Variants in GREB1L observed in about 807,000 individuals in gnomAD.
The protein encoded by GREB1L is GREB1 like retinoic acid receptor coactivator.
GREB1L carries 17 observed loss-of-function variants against 200.8 expected under a neutral mutation model. The ratio of observed to expected loss-of-function variants is 0.08; its 90% CI spans 0.06 to 0.13. The LOEUF (loss-of-function observed/expected upper bound fraction) is 0.13. Ranked by LOEUF, GREB1L falls within the 10% of genes least tolerant of loss-of-function variation. GREB1L has a pLI of 1.00. For missense variants in GREB1L, 1,657 were observed against 2,367.7 expected, an observed-to-expected ratio of 0.70 and a Z score of 6.23; for synonymous variants, 789 against 893.0, an observed-to-expected ratio of 0.88 and a Z score of 2.08.
At chr18:21,411,145 A>T (rs1158246131) in intron 7 of GREB1L, among the ~76,000 whole-genome samples, 7 of 152,122 alleles carry the variant, frequency 4.6e-5, no homozygotes, top group Admixed American at 4.6e-4. Flanking sequence ...AATACAAGAT[A>T]CTATATTCAG....
rs1252559834 is a variant in GREB1L, at chr18:21,520,806, A to T, written c.5591A>T (p.Lys1864Ile). 2 of 1,541,190 alleles carry T rather than the reference A, an allele frequency of 1.3e-6. No homozygotes were observed. The highest frequency in any genetic ancestry group is 1.8e-6 in the Non-Finnish European group (2 of 1,142,688). ...CDSFVGADLK[K>I]FKFLKGATLC... ...TCTTTTGTAGGTGCTGATCTTAAGA[A>T]ATTTAAATTTCTAAAAGGTAAGTCA... is the stretch of plus-strand genomic sequence containing the variant. The change falls in exon 32 of 33, where the codon AAA becomes ATA. Residue 1864 changes from lysine (K) to isoleucine (I), a missense_variant. This residue lies in a region of GREB1L where 190 missense variants were observed against 230.2 expected (regional missense o/e 0.83). Transcript: ENST00000424526.
chr18:21,318,246 A>G (rs1356807628), intron 1 of GREB1L, among the ~76,000 whole-genome samples: 3 of 152,196 alleles, frequency 2.0e-5, no homozygotes, highest in Non-Finnish European at 2.9e-5. Context: ...TATTCAACAA[A>G]TGTCTAGAGA....
intron 1 of GREB1L, among the ~76,000 whole-genome samples, chr18:21,267,758 A>G (rs2037995273): frequency 6.6e-6 from 1 of 151,844 alleles, no homozygotes; most frequent in South Asian, 2.1e-4. Context: ...CCCTTAAGAA[A>G]TAGTAGAAGT....
At chr18:21,475,826 G>A (rs1053538072) in intron 16 of GREB1L, among the ~76,000 whole-genome samples, 6 of 151,808 alleles carry the variant, frequency 4.0e-5, no homozygotes, top group Non-Finnish European at 5.9e-5. Context: ...AAAATTAGCT[G>A]GGCGTGGTGG....
intron 1 of GREB1L, among the ~76,000 whole-genome samples, chr18:21,267,784 T>C (rs1348048310): frequency 6.6e-6 from 1 of 151,048 alleles, no homozygotes; most frequent in Non-Finnish European, 1.5e-5. Flanking sequence ...AGAGTTGAGA[T>C]AAGCCAGTCC....
At chr18:21,324,038 G>T (rs1342388306) in intron 1 of GREB1L, among the ~76,000 whole-genome samples, 1 of 152,126 alleles carries the variant, frequency 6.6e-6, no homozygotes, top group African/African-American at 2.4e-5. Context: ...AGGATGGGAG[G>T]GGGATGAGGG....
chr18:21,312,334 A>G (rs1405738498), intron 1 of GREB1L, among the ~76,000 whole-genome samples: 1 of 152,104 alleles, frequency 6.6e-6, no homozygotes, highest in South Asian at 2.1e-4. Flanking sequence ...TCCTTTGGGT[A>G]TATTCCCAGT....
chr18:21,306,998 C>T (rs1217771275), intron 1 of GREB1L, among the ~76,000 whole-genome samples: 2 of 152,188 alleles, frequency 1.3e-5, no homozygotes, highest in East Asian at 3.8e-4. Flanking sequence ...TTCCATTATT[C>T]CATTGTGTTA....
Position 21,504,471 on chromosome 18 carries a change from G to A in GREB1L, c.4073-941G>A, listed in dbSNP as rs527571340. ...GGATTCCTTGAGCCCAGGAGTTCAA[G>A]GTTGCAGTGAGCTTACATTGCATCA... On this transcript the variant is annotated intron_variant, in intron 23 of 32. Coordinates refer to ENST00000424526, the MANE Select transcript of GREB1L (RefSeq NM_001142966.3). Among the ~76,000 whole-genome samples the A allele has an allele frequency of 1.2e-4, 18 of 152,342 alleles. No homozygotes were observed. The South Asian group carries it at 2.3e-3, about 19-fold the overall frequency.
chr18:21,292,500 C>T (rs529109903), intron 1 of GREB1L, among the ~76,000 whole-genome samples: 5 of 152,316 alleles, frequency 3.3e-5, no homozygotes, highest in East Asian at 3.9e-4. Flanking sequence ...ACCCCGTACT[C>T]GTTAGCTATC....
At chr18:21,335,698 C>G (rs551457825) in intron 1 of GREB1L, among the ~76,000 whole-genome samples, 35 of 146,504 alleles carry the variant, frequency 2.4e-4, no homozygotes, top group African/African-American at 8.4e-4. Flanking sequence ...GAGTCTTGCT[C>G]TGTTGCCCAG....
rs2037626587 is a variant in GREB1L at position 21,522,801 on chromosome 18, C to G, written c.5752C>G (p.Leu1918Val). The change falls in exon 33 of 33, where the codon CTT (leucine) becomes GTT (valine). Residue 1918 changes from leucine (L) to valine (V), a missense_variant. Leu to Val is a conservative substitution (Grantham distance 32). Around this residue, in one of 9 missense-constraint regions of GREB1L, gnomAD observed 190 missense variants for 230.2 expected, o/e 0.83. Coordinates refer to ENST00000424526, the MANE Select transcript of GREB1L (RefSeq NM_001142966.3). ...NSSDDKPLYF[L>V]TGRHV is the part of the protein sequence containing the mutation. ...CAGTGATGACAAGCCTCTCTACTTTCTTACTGGACGTCATGTATGAGCTTT... is the reference window on the plus strand; with the variant it reads ...CAGTGATGACAAGCCTCTCTACTTTGTTACTGGACGTCATGTATGAGCTTT... 6.4e-7 allele frequency: 1 copy of G among 1,551,198 alleles called. No homozygotes were observed. Among genetic ancestry groups the G allele is most frequent in the Non-Finnish European group, 8.7e-7 (1 of 1,146,788 alleles).
intron 17 of GREB1L, among the ~76,000 whole-genome samples, chr18:21,479,446 A>C (rs2035837572): frequency 6.6e-6 from 1 of 152,012 alleles, no homozygotes; most frequent in Non-Finnish European, 1.5e-5. Context: ...AGGGAGGCCG[A>C]GGTGGGTGGA....
chr18:21,252,408 C>T (rs1291776837), intron 1 of GREB1L, among the ~76,000 whole-genome samples: 3 of 150,586 alleles, frequency 2.0e-5, no homozygotes, highest in Non-Finnish European at 4.4e-5. Flanking sequence ...AAATACAAAA[C>T]TAGCCTGGTA....
chr18:21,258,280 T>A (rs556652263), intron 1 of GREB1L, among the ~76,000 whole-genome samples: 1 of 152,258 alleles, frequency 6.6e-6, no homozygotes, highest in East Asian at 1.9e-4. Context: ...AGGCTCAATT[T>A]TGGTTGGCAA....
In GREB1L at chr18:21,524,622, A is replaced by G. The variant is rs1371366633; in HGVS notation, c.*1801A>G. The G allele has an allele frequency of 6.6e-6, 1 of 152,168 alleles. No homozygotes were observed. The highest frequency in any genetic ancestry group is 1.5e-5 in the Non-Finnish European group (1 of 68,026). 9.4% of individuals were successfully genotyped at this position (152,168 alleles called of 1,614,324 possible). A position where few individuals can be genotyped will look rare whatever the true frequency, so the allele number is the denominator to read the frequency against. On this transcript the variant is annotated 3_prime_UTR_variant, in exon 33 of 33. Transcript: ENST00000424526. Reference sequence around the variant, plus strand: ...CAATAACATTTACATAGGGCAAATAAAATACTTGAAAGAATTCTGAAACAA... The same window carrying G: ...CAATAACATTTACATAGGGCAAATAGAATACTTGAAAGAATTCTGAAACAA...
rs2039672353 is a variant in GREB1L, at chr18:21,366,146, A to G, written c.-10+10A>G. 1 of 152,154 alleles carries G rather than the reference A, an allele frequency of 6.6e-6. No homozygotes were observed. Among genetic ancestry groups the G allele is most frequent in the South Asian group, 2.1e-4 (1 of 4,832 alleles). The allele number at this position is 152,154 out of a possible 1,614,324, so 9.4% of individuals were successfully genotyped here. ...TAATAAATAAACCAAGGTATTGTAC[A>G]ATTATATATGACCCTCCCCAATTTT... is the stretch of plus-strand genomic sequence containing the variant. On this transcript the variant is annotated intron_variant, in intron 2 of 32. Transcript: ENST00000424526.
chr18:21,357,541 CA>C (rs1367025358), intron 1 of GREB1L, among the ~76,000 whole-genome samples: 3 of 152,104 alleles, frequency 2.0e-5, no homozygotes, highest in Admixed American at 2.0e-4. Flanking sequence ...GAGTCATAGT[CA>C]AAAAAATCAT....
intron 7 of GREB1L, among the ~76,000 whole-genome samples, chr18:21,438,294 A>G (rs1188263495): frequency 6.6e-6 from 1 of 152,178 alleles, no homozygotes; most frequent in Non-Finnish European, 1.5e-5. Flanking sequence ...AGAAAAAAAG[A>G]AAGTATTAAT....
Sources: allele counts gnomAD v4.1 joint callset (sites outside exome capture counted in the v4.1 genomes callset), GRCh38; gene constraint gnomAD v4.1.1; regional missense constraint gnomAD v4.1.1; transcripts MANE v1.5; gene names NCBI Gene and HGNC (gene_info 2026-07-23, HGNC 2026-07-21).